Variants in MBD5 observed in about 807,000 individuals in gnomAD.
MBD5 encodes methyl-CpG binding domain protein 5, also known as methyl-CpG-binding domain protein 5.
In MBD5, 13 loss-of-function variants were observed where a neutral mutation model predicts 117.3. The ratio of observed to expected loss-of-function variants is 0.11; its 90% CI spans 0.07 to 0.18. MBD5 has a LOEUF of 0.18. Ranked by LOEUF, MBD5 falls within the 10% of genes least tolerant of loss-of-function variation. MBD5 has a pLI of 1.00. For missense variants in MBD5, 1,879 were observed against 2,093.8 expected (o/e 0.90, Z 2.00); for synonymous variants, 727 against 766.4 (o/e 0.95, Z 0.85).
At chr2:148,210,342 GTTAA>G (rs1245048924) in intron 2 of MBD5, among the ~76,000 whole-genome samples, 1 of 151,512 alleles carries the variant, frequency 6.6e-6, no homozygotes, top group Admixed American at 6.6e-5. Flanking sequence ...AAAAAAACTG[GTTAA>G]TTCTTTTTTT....
chr2:148,236,133 A>G (rs963064916), intron 3 of MBD5, among the ~76,000 whole-genome samples: 1 of 152,064 alleles, frequency 6.6e-6, no homozygotes, highest in Admixed American at 6.6e-5. Flanking sequence ...CTGGATGTTG[A>G]TGGTTGCTAA....
intron 11 of MBD5, among the ~76,000 whole-genome samples, chr2:148,491,362 CAG>C (rs1681521126): frequency 6.8e-6 from 1 of 146,504 alleles, no homozygotes; most frequent in Non-Finnish European, 1.5e-5. Flanking sequence ...AAGAAATATG[CAG>C]AGTGTTTAAA....
intron 4 of MBD5, among the ~76,000 whole-genome samples, chr2:148,395,000 T>C (rs887919887): frequency 6.6e-6 from 1 of 152,166 alleles, no homozygotes; most frequent in African/African-American, 2.4e-5. Flanking sequence ...TTGTTTTTAG[T>C]CTTTGTCTCA....
chr2:148,416,203 T>A (rs1210712752), intron 4 of MBD5, among the ~76,000 whole-genome samples: 1 of 152,198 alleles, frequency 6.6e-6, no homozygotes. Flanking sequence ...TGATTGGCTT[T>A]GTTTCTGGAA....
At chr2:148,376,799 T>C (rs1044801874) in intron 4 of MBD5, among the ~76,000 whole-genome samples, 1 of 131,322 alleles carries the variant, frequency 7.6e-6, no homozygotes, top group Non-Finnish European at 1.6e-5. Context: ...TATATAATTT[T>C]ATATATAATA....
intron 11 of MBD5, among the ~76,000 whole-genome samples, chr2:148,498,700 G>GTTA (rs1681780525): frequency 6.6e-6 from 1 of 152,148 alleles, no homozygotes; most frequent in Non-Finnish European, 1.5e-5. Context: ...TCTCTGAAAG[G>GTTA]TTATGTCTTC....
At chr2:148,506,685 G>A (rs1348721299) in intron 12 of MBD5, among the ~76,000 whole-genome samples, 1 of 152,178 alleles carries the variant, frequency 6.6e-6, no homozygotes, top group African/African-American at 2.4e-5. Flanking sequence ...GACAGTGTAG[G>A]CAATGAAGTT....
intron 2 of MBD5, among the ~76,000 whole-genome samples, chr2:148,227,507 G>C (rs1202750084): frequency 1.3e-5 from 2 of 152,146 alleles, no homozygotes; most frequent in African/African-American, 4.8e-5. Context: ...TGCTGTTTTA[G>C]TTACTGTGGG....
intron 1 of MBD5, among the ~76,000 whole-genome samples, chr2:148,174,637 C>T (rs1477224866): frequency 4.6e-5 from 7 of 151,404 alleles, no homozygotes; most frequent in Non-Finnish European, 8.8e-5. Flanking sequence ...AAATTGGAAA[C>T]GGACCTGAAT....
chr2:148,029,062 T>C (rs1229387503), intron 1 of MBD5, among the ~76,000 whole-genome samples: 1 of 152,148 alleles, frequency 6.6e-6, no homozygotes, highest in Non-Finnish European at 1.5e-5. Context: ...CAGTGTTCAG[T>C]TTACTATGTA....
intron 4 of MBD5, among the ~76,000 whole-genome samples, chr2:148,345,316 C>CATAT (rs768048461): frequency 5.1e-4 from 75 of 146,404 alleles, no homozygotes; most frequent in Non-Finnish European, 8.5e-4. Flanking sequence ...TATACACACA[C>CATAT]ATATATATAT....
At chr2:148,295,860 G>C (rs1019833476) in intron 3 of MBD5, 3 of 169,114 alleles carry the variant, frequency 1.8e-5, no homozygotes, top group African/African-American at 7.2e-5. Context: ...TCGTACATCA[G>C]TGAATTTAAT....
At chr2:148,383,307 A>G (rs1704220503) in intron 4 of MBD5, among the ~76,000 whole-genome samples, 2 of 152,200 alleles carry the variant, frequency 1.3e-5, no homozygotes, top group Non-Finnish European at 2.9e-5. Context: ...ACAAACTACC[A>G]TCAGAGAATA....
intron 5 of MBD5, among the ~76,000 whole-genome samples, chr2:148,461,729 A>C (rs978035796): frequency 6.6e-6 from 1 of 152,218 alleles, no homozygotes; most frequent in African/African-American, 2.4e-5. Context: ...TCCATCTCAC[A>C]TAAAATAACT....
intron 1 of MBD5, among the ~76,000 whole-genome samples, chr2:148,110,644 T>G (rs2105348007): frequency 6.6e-6 from 1 of 151,398 alleles, no homozygotes; most frequent in East Asian, 1.9e-4. Flanking sequence ...TTCCTGTTTG[T>G]TTTTTTTTAA....
chr2:148,329,398 G>A (rs1702572617), intron 3 of MBD5, among the ~76,000 whole-genome samples: 1 of 152,074 alleles, frequency 6.6e-6, no homozygotes, highest in Non-Finnish European at 1.5e-5. Flanking sequence ...TTTTTATTCT[G>A]ACTTCAAAGT....
intron 3 of MBD5, among the ~76,000 whole-genome samples, chr2:148,282,896 A>AC (rs1491338114): frequency 0.015 from 1,140 of 74,082 alleles, 30 homozygotes; most frequent in East Asian, 0.12. Context: ...TTAAGACTTA[A>AC]CCGCCCCCCC....
At chr2:148,492,670 A>G (rs1282707917) in intron 11 of MBD5, among the ~76,000 whole-genome samples, 1 of 152,044 alleles carries the variant, frequency 6.6e-6, no homozygotes, top group Non-Finnish European at 1.5e-5. Context: ...TTTTTCCTCT[A>G]TACAACACAA....
At position 148,402,176 on chromosome 2, in the gene MBD5, C is replaced by T. The variant is rs1007082601; in HGVS notation, c.-556-56027C>T. 2.6e-5 allele frequency among the ~76,000 whole-genome samples: 4 copies of T among 151,984 alleles called. No homozygotes were observed. The South Asian group carries it at 8.3e-4, about 32-fold the overall frequency. ...ATTAATAACTATGTGGAAAGAGATA[C>T]TTTGAGACTATACAGATATCCTCTT... On this transcript the variant is annotated intron_variant, in intron 4 of 13. Coordinates refer to ENST00000642680, the MANE Select transcript of MBD5 (RefSeq NM_001378120.1).
Sources: gnomAD v4.1 joint callset for allele counts (sites outside exome capture counted in the v4.1 genomes callset) on GRCh38, gnomAD v4.1.1 for gene constraint, MANE v1.5 for transcripts, NCBI Gene and HGNC (gene_info 2026-07-23, HGNC 2026-07-21) for gene names.